Variants in SMAP1 observed in about 807,000 individuals in gnomAD.
SMAP1 encodes the protein stromal membrane-associated protein 1.
In SMAP1, 24 loss-of-function variants were observed where a neutral mutation model predicts 58.5. That is an observed-to-expected ratio of 0.41 (90% CI 0.30 to 0.58). The LOEUF is 0.58. Ranked by LOEUF, SMAP1 falls within the 20% of genes least tolerant of loss-of-function variation. The probability of loss-of-function intolerance (pLI) is 0.29; values close to 1 mark genes in which losing one functional copy is unlikely to be tolerated. For synonymous variants in SMAP1, 216 were observed against 196.6 expected (o/e 1.10, Z -0.82); for missense variants, 563 against 566.3 (o/e 0.99, Z 0.06).
intron 6 of SMAP1, among the ~76,000 whole-genome samples, chr6:70,820,303 ATAG>A (rs1437788327): frequency 1.3e-5 from 2 of 152,202 alleles, no homozygotes; most frequent in Non-Finnish European, 2.9e-5. Context: ...TCTATAGGTA[ATAG>A]TCATAATTGA....
chr6:70,853,279 TGAA>T (rs1466193643), intron 8 of SMAP1, among the ~76,000 whole-genome samples: 1 of 152,142 alleles, frequency 6.6e-6, no homozygotes, highest in East Asian at 1.9e-4. Context: ...GTATTAATGG[TGAA>T]GAAATTTTGA....
chr6:70,736,045 C>T (rs1324520674), intron 2 of SMAP1, among the ~76,000 whole-genome samples: 1 of 151,834 alleles, frequency 6.6e-6, no homozygotes, highest in Admixed American at 6.6e-5. Flanking sequence ...AATGTAAATA[C>T]TAAGTTTTTC....
At chr6:70,833,120 T>A (rs921963045) in intron 6 of SMAP1, among the ~76,000 whole-genome samples, 5 of 152,180 alleles carry the variant, frequency 3.3e-5, no homozygotes, top group African/African-American at 4.8e-5. Flanking sequence ...TCTAAAAGAT[T>A]AAGTATTTGT....
intron 3 of SMAP1, among the ~76,000 whole-genome samples, chr6:70,757,646 C>G (rs1163320919): frequency 6.6e-6 from 1 of 151,996 alleles, no homozygotes; most frequent in Non-Finnish European, 1.5e-5. Flanking sequence ...TATCCAGAAT[C>G]TACAATGAAC....
chr6:70,759,956 C>CA, intron 3 of SMAP1: 1 of 393,476 alleles, frequency 2.5e-6, no homozygotes. Flanking sequence ...AACTCGGTGA[C>CA]ATAGAGCATA....
At chr6:70,746,973 G>A (rs1472257651) in intron 2 of SMAP1, among the ~76,000 whole-genome samples, 3 of 152,172 alleles carry the variant, frequency 2.0e-5, no homozygotes, top group Non-Finnish European at 2.9e-5. Context: ...GTTAGGTGGT[G>A]TTGAAAGAAT....
chr6:70,861,491 A>G lies in SMAP1; in HGVS notation c.*1157A>G. The G allele has an allele frequency of 1.6e-6, 1 of 609,412 alleles. No individual in the cohort carries two copies. Among genetic ancestry groups the G allele is most frequent in the Non-Finnish European group, 2.9e-6 (1 of 342,364 alleles). 37.8% of individuals were successfully genotyped at this position (609,412 alleles called of 1,614,324 possible). A position where few individuals can be genotyped will look rare whatever the true frequency, so the allele number is the denominator to read the frequency against. ...TACATTTTGTACCAACCATCCAATT[A>G]GCTTATGTTAACTGACAAGCTCCAT... On this transcript the variant is annotated 3_prime_UTR_variant, in exon 11 of 11. Coordinates refer to ENST00000370455, the MANE Select transcript of SMAP1 (RefSeq NM_001044305.3).
intron 1 of SMAP1, among the ~76,000 whole-genome samples, chr6:70,729,483 G>GTGTGTGTGTA (rs1765337143): frequency 6.6e-6 from 1 of 150,826 alleles, no homozygotes; most frequent in African/African-American, 2.4e-5. Context: ...GTGTGTGTGT[G>GTGTGTGTGTA]TGTGTGTGTG....
chr6:70,791,626 C>T, intron 4 of SMAP1, 63 bp from the exon 5 acceptor site: 2 of 1,361,400 alleles, frequency 1.5e-6, no homozygotes, highest in Non-Finnish European at 1.0e-6. Flanking sequence ...TTTCCTGTGC[C>T]TGTCAATTCT....
intron 1 of SMAP1, among the ~76,000 whole-genome samples, chr6:70,675,236 T>C (rs1766434874): frequency 1.4e-5 from 2 of 142,206 alleles, no homozygotes; most frequent in East Asian, 2.3e-4. Flanking sequence ...CCAGAGATGA[T>C]GTACTTCACA....
In SMAP1 at chr6:70,860,281, G is replaced by A. The variant is rs760815151; in HGVS notation, c.1351G>A (p.Gly451Arg). 3 of 1,613,766 alleles carry A rather than the reference G, an allele frequency of 1.9e-6. No individual in the cohort carries two copies. Among genetic ancestry groups the A allele is most frequent in the Non-Finnish European group, 2.5e-6 (3 of 1,179,858 alleles). ...TGGCCAGCCCTCCAGCACAACAGCA[G>A]GATGGTCTGGAAGCTCATCAGGTCA... is the stretch of plus-strand genomic sequence containing the variant. ...GFGQPSSTTA[G>R]WSGSSSGQTL... The change falls in exon 11 of 11, where the codon GGA becomes AGA. Residue 451 changes from glycine to arginine, a missense_variant. Gly to Arg is a moderately radical substitution (Grantham distance 125, BLOSUM62 -2). Transcript: ENST00000370455.
At chr6:70,735,894 A>C (rs1279329247) in intron 2 of SMAP1, among the ~76,000 whole-genome samples, 6 of 152,332 alleles carry the variant, frequency 3.9e-5, no homozygotes, top group South Asian at 2.1e-4. Context: ...TAATTTTCAA[A>C]GATGATACTG....
At chr6:70,698,027 G>T (rs1057103620) in intron 1 of SMAP1, among the ~76,000 whole-genome samples, 21 of 151,904 alleles carry the variant, frequency 1.4e-4, no homozygotes, top group African/African-American at 5.1e-4. Flanking sequence ...ATTTCTTATT[G>T]CTCGTTAACA....
intron 2 of SMAP1, among the ~76,000 whole-genome samples, chr6:70,750,074 C>T (rs1490652997): frequency 1.3e-5 from 2 of 152,078 alleles, no homozygotes; most frequent in Non-Finnish European, 2.9e-5. Flanking sequence ...GTTTCCTGAT[C>T]CTGACAGTGA....
At chr6:70,736,023 A>G (rs933019087) in intron 2 of SMAP1, among the ~76,000 whole-genome samples, 2 of 151,986 alleles carry the variant, frequency 1.3e-5, no homozygotes, top group African/African-American at 4.8e-5. Flanking sequence ...GTGTGTGTGT[A>G]TAATTCTGTA....
intron 1 of SMAP1, among the ~76,000 whole-genome samples, chr6:70,718,462 C>T (rs1768366438): frequency 6.6e-6 from 1 of 151,988 alleles, no homozygotes; most frequent in Non-Finnish European, 1.5e-5. Flanking sequence ...GAGGGAAGGG[C>T]TGAAAGGAAA....
intron 1 of SMAP1, among the ~76,000 whole-genome samples, chr6:70,675,198 GTTTTTTTTTTTTT>G (rs67744035): frequency 1.5e-4 from 16 of 109,962 alleles, no homozygotes; most frequent in African/African-American, 4.2e-4. Context: ...ATTATATAGT[GTTTTTTTTTTTTT>G]TTTTTTTTTT....
chr6:70,861,634 G>A lies in SMAP1; in HGVS notation c.*1300G>A, dbSNP rs767539761. ...CCTCTTCCATATGGATCCACTGGCT[G>A]GACAAACTGCACCAGTTGCTGCTTC... On this transcript the variant is annotated 3_prime_UTR_variant, in exon 11 of 11. Coordinates refer to ENST00000370455, the MANE Select transcript of SMAP1 (RefSeq NM_001044305.3). The A allele has an allele frequency of 6.3e-7, 1 of 1,598,182 alleles. No individual in the cohort carries two copies. The highest frequency in any genetic ancestry group is 8.6e-7 in the Non-Finnish European group (1 of 1,166,600).
intron 6 of SMAP1, among the ~76,000 whole-genome samples, chr6:70,812,404 G>C: frequency 6.6e-6 from 1 of 152,312 alleles, no homozygotes; most frequent in Non-Finnish European, 1.5e-5. Flanking sequence ...GAAGAAAACA[G>C]AACAGAATGT....
Sources: allele counts gnomAD v4.1 joint callset (sites outside exome capture counted in the v4.1 genomes callset), GRCh38; gene constraint gnomAD v4.1.1; transcripts MANE v1.5; gene names NCBI Gene and HGNC (gene_info 2026-07-23, HGNC 2026-07-21).